Variants in KIAA1671 observed in about 807,000 individuals in gnomAD.
The protein encoded by KIAA1671 is uncharacterized protein KIAA1671.
In KIAA1671, 52 loss-of-function variants were observed where a neutral mutation model predicts 131.2. The observed-to-expected ratio is 0.40, with a 90% CI of 0.32 to 0.50. The LOEUF (loss-of-function observed/expected upper bound fraction) is 0.50, where lower values mean the gene tolerates loss of function less well. KIAA1671 is among the 20% of genes least tolerant of loss of function. KIAA1671 has a pLI of 0.73. For synonymous variants in KIAA1671, 1,003 were observed against 961.6 expected (o/e 1.04, Z -0.80); for missense variants, 2,360 against 2,364.2 (o/e 1.00, Z 0.04).
At chr22:24,967,990 C>T (rs1421969117) in intron 1 of KIAA1671, among the ~76,000 whole-genome samples, 1 of 151,944 alleles carries the variant, frequency 6.6e-6, no homozygotes, top group Non-Finnish European at 1.5e-5. Context: ...GAGACTCTGT[C>T]TCAAAAGAAA....
chr22:25,179,179 A>G (rs1417054867), intron 9 of KIAA1671: 3 of 979,262 alleles, frequency 3.1e-6, no homozygotes, highest in Non-Finnish European at 4.7e-6. Context: ...TGAGTGCGGA[A>G]GAGAAGCATG....
At chr22:25,163,713 C>T (rs760356682) in intron 6 of KIAA1671, among the ~76,000 whole-genome samples, 1 of 152,052 alleles carries the variant, frequency 6.6e-6, no homozygotes, top group Non-Finnish European at 1.5e-5. Flanking sequence ...GCTGGGATTA[C>T]AGGCATGAGC....
At chr22:25,138,548 A>G (rs1932757558) in intron 6 of KIAA1671, among the ~76,000 whole-genome samples, 1 of 152,162 alleles carries the variant, frequency 6.6e-6, no homozygotes, top group South Asian at 2.1e-4. Context: ...ACCCTTTTGG[A>G]TTAACTCTGC....
Position 25,040,043 on chromosome 22 carries a change from T to C in KIAA1671, c.2913T>C (p.His971=). ...FSSLVPEDSP[H]VGHRRTDYVS... Reference sequence around the variant, plus strand: ...CTCTTGTCCCAGAGGACTCTCCACATGTGGGGCACAGACGAACAGATTATG... The same window carrying C: ...CTCTTGTCCCAGAGGACTCTCCACACGTGGGGCACAGACGAACAGATTATG... Residue 971 remains histidine, a synonymous_variant, in exon 5 of 13, where the codon CAT becomes CAC. Coordinates refer to ENST00000358431, the MANE Select transcript of KIAA1671 (RefSeq NM_001145206.2). The C allele has an allele frequency of 6.4e-7, 1 of 1,551,700 alleles. No homozygotes were observed.
intron 6 of KIAA1671, among the ~76,000 whole-genome samples, chr22:25,153,420 G>A (rs1299895676): frequency 1.3e-5 from 2 of 152,184 alleles, no homozygotes; most frequent in Non-Finnish European, 2.9e-5. Flanking sequence ...TGCACAGGAC[G>A]GCCCCCACCA....
At chr22:25,087,410 C>A (rs140643442) in intron 6 of KIAA1671, among the ~76,000 whole-genome samples, 1 of 152,134 alleles carries the variant, frequency 6.6e-6, no homozygotes, top group South Asian at 2.1e-4. Flanking sequence ...GTGATGAAAC[C>A]CTGTCTCTAC....
intron 6 of KIAA1671, among the ~76,000 whole-genome samples, chr22:25,095,846 C>T (rs1275915124): frequency 2.6e-5 from 4 of 152,200 alleles, no homozygotes; most frequent in East Asian, 1.9e-4. Flanking sequence ...GGTTAGCCTT[C>T]GGCTTTCTCC....
intron 1 of KIAA1671, among the ~76,000 whole-genome samples, chr22:24,993,531 C>T (rs992279865): frequency 3.3e-5 from 5 of 152,174 alleles, no homozygotes; most frequent in Admixed American, 6.5e-5. Flanking sequence ...TCCTGATCAC[C>T]CAATTTGTGC....
At position 25,040,515 on chromosome 22, in the gene KIAA1671, G is replaced by A. The variant is rs1360432683; in HGVS notation, c.3385G>A (p.Ala1129Thr). Reference sequence around the variant, plus strand: ...CAATGGAAGAATCATTGATGTGGATGCCTTATGGAGTCATCGGGGATCAGA... The same window carrying A: ...CAATGGAAGAATCATTGATGTGGATACCTTATGGAGTCATCGGGGATCAGA... The part of the protein sequence containing the change: ...PFNGRIIDVD[A>T]LWSHRGSEDG... Residue 1129 changes from alanine to threonine, a missense_variant, in exon 5 of 13, where the codon GCC becomes ACC. Ala to Thr is a moderately conservative substitution (Grantham distance 58, BLOSUM62 0). Transcript: ENST00000358431. 5.8e-6 allele frequency: 9 copies of A among 1,551,724 alleles called. No homozygotes were observed. The East Asian group carries it at 2.2e-4, about 38-fold the overall frequency.
chr22:25,105,594 T>C (rs1216316546), intron 6 of KIAA1671, among the ~76,000 whole-genome samples: 3 of 152,166 alleles, frequency 2.0e-5, no homozygotes, highest in Non-Finnish European at 4.4e-5. Flanking sequence ...GAAGCGAAGC[T>C]TTTTATAGTC....
chr22:24,980,872 G>A (rs1425027808), intron 1 of KIAA1671, among the ~76,000 whole-genome samples: 1 of 151,852 alleles, frequency 6.6e-6, no homozygotes, highest in African/African-American at 2.4e-5. Context: ...TCAGCCTCCT[G>A]AGTAGCTGGG....
chr22:25,187,984 C>G (rs1182431878), intron 11 of KIAA1671, among the ~76,000 whole-genome samples: 1 of 152,150 alleles, frequency 6.6e-6, no homozygotes, highest in Non-Finnish European at 1.5e-5. Context: ...GAGTACCTTT[C>G]TGTATGTGTT....
Position 25,181,764 on chromosome 22 carries a change from C to G in KIAA1671, c.5140C>G (p.Pro1714Ala). 6.4e-7 allele frequency: 1 copy of G among 1,551,604 alleles called. No individual in the cohort carries two copies. Among genetic ancestry groups the G allele is most frequent in the South Asian group, 1.2e-5 (1 of 84,050 alleles). ...GACGGCATCCAAAGCTGAGAGGACC[C>G]CTGTCAGCCATCCTCAGAGGATGCC... The part of the protein sequence containing the change: ...EETASKAERT[P>A]VSHPQRMPAF... The change falls in exon 10 of 13, where the codon CCT becomes GCT. Residue 1714 changes from proline to alanine, a missense_variant. Around this residue, in one of 3 missense-constraint regions of KIAA1671, gnomAD observed 1,161 missense variants for 1,204.7 expected, o/e 0.96. Coordinates refer to ENST00000358431, the MANE Select transcript of KIAA1671 (RefSeq NM_001145206.2).
intron 1 of KIAA1671, among the ~76,000 whole-genome samples, chr22:24,954,955 A>G (rs536514274): frequency 6.6e-6 from 1 of 152,014 alleles, no homozygotes; most frequent in Non-Finnish European, 1.5e-5. Context: ...TAATTTTTGT[A>G]TTTTTAGTAG....
intron 1 of KIAA1671, among the ~76,000 whole-genome samples, chr22:24,998,493 G>A (rs571807965): frequency 6.6e-6 from 1 of 152,140 alleles, no homozygotes; most frequent in East Asian, 1.9e-4. Flanking sequence ...GCTGAGGCGG[G>A]CGGATCACGA....
At chr22:25,125,917 C>T (rs2145935977) in intron 6 of KIAA1671, among the ~76,000 whole-genome samples, 1 of 152,288 alleles carries the variant, frequency 6.6e-6, no homozygotes, top group East Asian at 1.9e-4. Context: ...ACCTTTGATT[C>T]CTGGTGTAAT....
At chr22:24,992,943 G>T (rs1923925135) in intron 1 of KIAA1671, among the ~76,000 whole-genome samples, 1 of 151,932 alleles carries the variant, frequency 6.6e-6, no homozygotes, top group African/African-American at 2.4e-5. Context: ...CTGAGGTTTG[G>T]GAAGTTAAGA....
rs1349379296 is a variant in KIAA1671 at position 25,038,889 on chromosome 22, G to A, written c.1759G>A (p.Gly587Ser). 7 of 1,551,640 alleles carry A rather than the reference G, an allele frequency of 4.5e-6. No homozygotes were observed. The highest frequency in any genetic ancestry group is 2.7e-5 in the African/African-American group (2 of 73,056). The change falls in exon 5 of 13, where the codon GGT becomes AGT. Residue 587 changes from glycine (G) to serine (S), a missense_variant. This residue lies in a region of KIAA1671 where 1,185 missense variants were observed against 1,126.2 expected (regional missense o/e 1.05). Transcript: ENST00000358431. ...TAACCAAGACCCCGACAGCTGTCGC[G>A]GTGGAAGCTCAGTGGAGGCCCCGTG... Reference protein sequence around the residue: ...SSNQDPDSCRGGSSVEAPCPS... With the variant: ...SSNQDPDSCRSGSSVEAPCPS...
chr22:25,155,555 T>C (rs1049366269), intron 6 of KIAA1671, among the ~76,000 whole-genome samples: 2 of 139,812 alleles, frequency 1.4e-5, no homozygotes, highest in African/African-American at 2.7e-5. Flanking sequence ...TGTGTGTGCA[T>C]TGGTGTAGAT....
Sources: allele counts gnomAD v4.1 joint callset (sites outside exome capture counted in the v4.1 genomes callset), GRCh38; gene constraint gnomAD v4.1.1; regional missense constraint gnomAD v4.1.1; transcripts MANE v1.5; gene names NCBI Gene and HGNC (gene_info 2026-07-23, HGNC 2026-07-21).